STAU1: variants seen among roughly 807,000 people sequenced by gnomAD.
STAU1 encodes staufen double-stranded RNA binding protein 1.
STAU1 carries 13 observed loss-of-function variants against 62.9 expected under a neutral mutation model. That is an observed-to-expected ratio of 0.21 (90% CI 0.13 to 0.33). The LOEUF is 0.33. Ranked by LOEUF, STAU1 falls within the 10% of genes least tolerant of loss-of-function variation. The probability of loss-of-function intolerance (pLI) is 1.00; values close to 1 mark genes in which losing one functional copy is unlikely to be tolerated. For synonymous variants in STAU1, 269 were observed against 265.1 expected (o/e 1.01, Z -0.14); for missense variants, 571 against 712.1 (o/e 0.80, Z 2.25).
chr20:49,188,975 C>G (rs993282545), upstream of STAU1, among the ~76,000 whole-genome samples: 6 of 151,794 alleles, frequency 4.0e-5, no homozygotes, highest in East Asian at 1.2e-3. Flanking sequence ...CCGAGGCGGG[C>G]GGATCACTAG....
intron 3 of STAU1, among the ~76,000 whole-genome samples, chr20:49,157,297 CT>C (rs766793174): frequency 1.3e-5 from 2 of 152,092 alleles, no homozygotes; most frequent in Non-Finnish European, 2.9e-5. Flanking sequence ...TGTTTGTGGG[CT>C]CTTGTTTGAA....
chr20:49,198,641 C>A, the STAU1 span, among the ~76,000 whole-genome samples: 1 of 151,474 alleles, frequency 6.6e-6, no homozygotes, highest in African/African-American at 2.4e-5. Context: ...ACTAGCCTGG[C>A]CCACATGATA....
At chr20:49,122,870 C>T (rs2092497303) in intron 8 of STAU1, among the ~76,000 whole-genome samples, 1 of 152,036 alleles carries the variant, frequency 6.6e-6, no homozygotes, top group Non-Finnish European at 1.5e-5. Context: ...TGAGCTGAGA[C>T]AGCACCACTG....
At chr20:49,196,660 C>T in the STAU1 span, among the ~76,000 whole-genome samples, 1 of 150,678 alleles carries the variant, frequency 6.6e-6, no homozygotes, top group Non-Finnish European at 1.5e-5. Context: ...CAGCTCCTCT[C>T]GAGGGGAGAA....
chr20:49,133,416 C>G (rs547110325), intron 6 of STAU1, among the ~76,000 whole-genome samples: 2 of 152,142 alleles, frequency 1.3e-5, no homozygotes, highest in African/African-American at 4.8e-5. Context: ...ACCCCTCCCC[C>G]ACAACCTGCA....
intron 3 of STAU1, among the ~76,000 whole-genome samples, chr20:49,157,480 ATTTT>A (rs964768758): frequency 6.8e-6 from 1 of 146,306 alleles, no homozygotes; most frequent in Non-Finnish European, 1.5e-5. Context: ...TACTTGGCTA[ATTTT>A]TTTTTTTTAT....
intron 2 of STAU1, among the ~76,000 whole-genome samples, chr20:49,171,697 C>T (rs940353442): frequency 6.6e-6 from 1 of 152,032 alleles, no homozygotes; most frequent in African/African-American, 2.4e-5. Flanking sequence ...CCTCCCAGCC[C>T]CCCAAAATAG....
At chr20:49,194,600 CAG>C in the STAU1 span, among the ~76,000 whole-genome samples, 2 of 51,092 alleles carry the variant, frequency 3.9e-5, no homozygotes, top group Non-Finnish European at 9.6e-5. Flanking sequence ...TATTTTGAGA[CAG>C]AGTCTCGCTC....
upstream of STAU1, among the ~76,000 whole-genome samples, chr20:49,192,715 C>T (rs1358120474): frequency 2.6e-5 from 4 of 151,942 alleles, no homozygotes; most frequent in East Asian, 1.9e-4. Flanking sequence ...GTGGGAGAAT[C>T]GCGTGAGCCC....
At chr20:49,120,220 G>A (rs2092434090) in intron 8 of STAU1, 92 bp from the exon 9 acceptor site, 2 of 1,442,094 alleles carry the variant, frequency 1.4e-6, no homozygotes, top group Admixed American at 2.3e-5. Context: ...AACCAACTAT[G>A]GTCAGAAGCA....
At chr20:49,210,754 A>G in the STAU1 span, among the ~76,000 whole-genome samples, 2 of 152,182 alleles carry the variant, frequency 1.3e-5, no homozygotes, top group African/African-American at 2.4e-5. Flanking sequence ...ATCATCCCCC[A>G]TACTGCAACT....
At position 49,124,362 on chromosome 20, in the gene STAU1, G is replaced by GAA; in HGVS notation, c.822+11_822+12dup. ...GTAATGAAAACACCTTCTGTGTTCA[G>GAA]AAAAGTTCTCACCTTGACTATGGGT... On this transcript the variant is annotated intron_variant, in intron 7 of 13. Transcript: ENST00000371856. The GAA allele has an allele frequency of 6.2e-7, 1 of 1,612,612 alleles. No homozygotes were observed. The highest frequency in any genetic ancestry group is 8.5e-7 in the Non-Finnish European group (1 of 1,179,420).
chr20:49,165,616 G>GT (rs2093514027), intron 3 of STAU1, among the ~76,000 whole-genome samples: 1 of 152,202 alleles, frequency 6.6e-6, no homozygotes, highest in Non-Finnish European at 1.5e-5. Flanking sequence ...GATTACAGGC[G>GT]TGAGCCACGG....
At chr20:49,172,846 CA>C (rs1336014604) in intron 2 of STAU1, among the ~76,000 whole-genome samples, 3 of 151,680 alleles carry the variant, frequency 2.0e-5, no homozygotes, top group Non-Finnish European at 4.4e-5. Context: ...ATCACTGAGT[CA>C]AAACACTAAA....
intron 9 of STAU1, 114 bp from the exon 10 acceptor site, chr20:49,118,522 G>C: frequency 1.2e-6 from 1 of 845,606 alleles, no homozygotes; most frequent in South Asian, 1.7e-5. Flanking sequence ...TGTGGCAATC[G>C]GCAGAAAAAC....
At chr20:49,200,493 C>T in the STAU1 span, among the ~76,000 whole-genome samples, 47 of 151,946 alleles carry the variant, frequency 3.1e-4, no homozygotes, top group African/African-American at 1.0e-3. Flanking sequence ...CACAGCTACT[C>T]GGGAGGCTGA....
At chr20:49,132,130 T>C (rs1421601516) in intron 6 of STAU1, among the ~76,000 whole-genome samples, 10 of 152,052 alleles carry the variant, frequency 6.6e-5, no homozygotes, top group Admixed American at 5.2e-4. Flanking sequence ...CCTGGCCTGC[T>C]TAGGCACCCG....
intron 7 of STAU1, 122 bp from the exon 8 acceptor site, chr20:49,123,357 A>AT (rs1027981499): frequency 2.5e-4 from 283 of 1,124,614 alleles, no homozygotes; most frequent in Non-Finnish European, 3.5e-4. Flanking sequence ...TCAGAATTCG[A>AT]TTTTTTTTAA....
the STAU1 span, among the ~76,000 whole-genome samples, chr20:49,196,002 G>A: frequency 4.6e-5 from 7 of 150,858 alleles, no homozygotes; most frequent in African/African-American, 1.7e-4. Flanking sequence ...ACTTTGGGAG[G>A]CCGAGGCGGG....
Sources: gnomAD v4.1 joint callset for allele counts (sites outside exome capture counted in the v4.1 genomes callset) on GRCh38, gnomAD v4.1.1 for gene constraint, MANE v1.5 for transcripts, NCBI Gene and HGNC (gene_info 2026-07-23, HGNC 2026-07-21) for gene names.